Variants in RBFOX1 observed in about 807,000 individuals in gnomAD.
RBFOX1 encodes the protein RNA binding protein fox-1 homolog 1.
Under a neutral mutation model 57.7 loss-of-function variants are expected in RBFOX1, and 8 were observed. The observed-to-expected ratio is 0.14, with a 90% CI of 0.08 to 0.25. RBFOX1 has a LOEUF of 0.25. Ranked by LOEUF, RBFOX1 falls within the 10% of genes least tolerant of loss-of-function variation. RBFOX1 has a pLI of 1.00. For missense variants in RBFOX1, 611 were observed against 548.5 expected (o/e 1.11, Z -1.14); for synonymous variants, 326 against 222.4 (o/e 1.47, Z -4.15).
In RBFOX1 at chr16:6,824,983, G is replaced by GTTTTTTTTTTTTT. The variant is rs151177772; in HGVS notation, c.-16+170352_-16+170364dup. Among the ~76,000 whole-genome samples the GTTTTTTTTTTTTT allele has an allele frequency of 6.4e-3, 238 of 36,908 alleles. 59 individuals are homozygous for GTTTTTTTTTTTTT. The highest frequency in any genetic ancestry group is 0.011 in the Non-Finnish European group (180 of 16,932). 24.2% of individuals were successfully genotyped at this position (36,908 alleles called of 152,430 possible). The stretch of plus-strand genomic sequence containing the variant: ...GGATTTCTTTTTTCTTTCTTTCTTG[G>GTTTTTTTTTTTTT]TTTTTTTTTTTTTTTTTTTTTTTTT... On this transcript the variant is annotated intron_variant, in intron 3 of 15. Coordinates refer to ENST00000550418, the MANE Select transcript of RBFOX1 (RefSeq NM_018723.4).
At chr16:6,850,287 C>T (rs1402550442) in intron 3 of RBFOX1, among the ~76,000 whole-genome samples, 1 of 152,136 alleles carries the variant, frequency 6.6e-6, no homozygotes, top group Non-Finnish European at 1.5e-5. Context: ...TAATTGCATA[C>T]TTACAAATAT....
intron 1 of RBFOX1, among the ~76,000 whole-genome samples, chr16:6,100,039 ATAT>A (rs1033407582): frequency 6.6e-6 from 1 of 152,212 alleles, no homozygotes; most frequent in African/African-American, 2.4e-5. Context: ...TGTTGAGCAC[ATAT>A]TATTCTTTTT....
intron 3 of RBFOX1, among the ~76,000 whole-genome samples, chr16:6,751,820 A>T (rs2074978931): frequency 6.6e-6 from 1 of 152,184 alleles, no homozygotes; most frequent in African/African-American, 2.4e-5. Flanking sequence ...TATTTTCATA[A>T]CAAAGCTGTC....
chr16:6,906,435 T>C (rs963822871), intron 3 of RBFOX1, among the ~76,000 whole-genome samples: 1 of 152,258 alleles, frequency 6.6e-6, no homozygotes, highest in East Asian at 1.9e-4. Context: ...AAATAGCCTC[T>C]GGCCTGTGGA....
At chr16:5,293,561 A>G (rs1277417106) in intron 1 of RBFOX1, among the ~76,000 whole-genome samples, 3 of 152,200 alleles carry the variant, frequency 2.0e-5, no homozygotes, top group African/African-American at 4.8e-5. Flanking sequence ...ATCCACATGT[A>G]GTAGGCACCA....
At chr16:6,147,353 C>G (rs149493999) in intron 1 of RBFOX1, among the ~76,000 whole-genome samples, 2 of 152,266 alleles carry the variant, frequency 1.3e-5, no homozygotes, top group East Asian at 3.9e-4. Flanking sequence ...AAGCTATGAC[C>G]TAACACAACC....
intron 3 of RBFOX1, among the ~76,000 whole-genome samples, chr16:6,846,962 TG>T (rs575406574): frequency 1.9e-4 from 29 of 152,176 alleles, no homozygotes; most frequent in Admixed American, 1.4e-3. Context: ...ACCATGTCTT[TG>T]GGGGCAAAGT....
chr16:6,124,681 G>T (rs2096576112), intron 1 of RBFOX1, among the ~76,000 whole-genome samples: 1 of 151,752 alleles, frequency 6.6e-6, no homozygotes, highest in Non-Finnish European at 1.5e-5. Flanking sequence ...TGTTGTTGTT[G>T]TTTTTTGTTT....
chr16:6,588,352 G>A (rs1183284277), intron 2 of RBFOX1, among the ~76,000 whole-genome samples: 1 of 150,758 alleles, frequency 6.6e-6, no homozygotes, highest in East Asian at 2.0e-4. Flanking sequence ...CACAGCTTTT[G>A]ATCTAGAAGA....
At chr16:7,612,758 C>T (rs2057758090) in intron 10 of RBFOX1, among the ~76,000 whole-genome samples, 1 of 152,108 alleles carries the variant, frequency 6.6e-6, no homozygotes, top group Non-Finnish European at 1.5e-5. Flanking sequence ...ACAAAGTTGT[C>T]AGCACGGGGC....
intron 11 of RBFOX1, 138 bp from the exon 12 acceptor site, chr16:7,653,677 C>G: frequency 3.1e-6 from 4 of 1,276,362 alleles, no homozygotes; most frequent in Non-Finnish European, 4.3e-6. Context: ...TGCTTTTTAA[C>G]CTCTTGATTC....
intron 3 of RBFOX1, among the ~76,000 whole-genome samples, chr16:6,913,285 T>G (rs570216418): frequency 1.3e-5 from 2 of 152,318 alleles, no homozygotes; most frequent in South Asian, 4.1e-4. Context: ...ATTTCCATAA[T>G]TACAGCCTGT....
In RBFOX1 at chr16:6,566,428, A is replaced by AT. The variant is rs200042936; in HGVS notation, c.-63-88165dup. Among the ~76,000 whole-genome samples, 706 of 149,926 alleles carry AT rather than the reference A, an allele frequency of 4.7e-3. 8 individuals are homozygous for AT. The highest frequency in any genetic ancestry group is 0.016 in the African/African-American group (662 of 40,846). On this transcript the variant is annotated intron_variant, in intron 2 of 15. Transcript: ENST00000550418. The stretch of plus-strand genomic sequence containing the variant: ...GGCTAGACGTAGGGACCTCCATTTG[A>AT]TTTTTTTTTTCTTCTCTTCTTAGTG...
intron 2 of RBFOX1, among the ~76,000 whole-genome samples, chr16:5,468,756 A>G (rs1395508986): frequency 1.3e-5 from 2 of 152,250 alleles, no homozygotes; most frequent in South Asian, 2.1e-4. Context: ...TCTTGAACAC[A>G]TTATGCTGTG....
intron 3 of RBFOX1, among the ~76,000 whole-genome samples, chr16:6,712,007 C>T (rs776102688): frequency 4.6e-5 from 7 of 152,128 alleles, no homozygotes; most frequent in South Asian, 4.1e-4. Flanking sequence ...TTTGTTATCT[C>T]GCTCTCTTTC....
At chr16:6,807,617 A>G (rs903460766) in intron 3 of RBFOX1, among the ~76,000 whole-genome samples, 1 of 152,062 alleles carries the variant, frequency 6.6e-6, no homozygotes, top group African/African-American at 2.4e-5. Context: ...CGAGATTGAG[A>G]CCAGCCTGGC....
chr16:7,073,907 TTGAC>T (rs79691931), intron 4 of RBFOX1, among the ~76,000 whole-genome samples: 23,084 of 151,744 alleles, frequency 0.15, 2,028 homozygotes, highest in East Asian at 0.39. Flanking sequence ...GAAAAAAAAA[TTGAC>T]TGACAATCCA....
chr16:6,017,763 G>C (rs1354814673), upstream of RBFOX1, among the ~76,000 whole-genome samples: 1 of 152,192 alleles, frequency 6.6e-6, no homozygotes, highest in African/African-American at 2.4e-5. Flanking sequence ...CGATAGGATT[G>C]CAAGAGGAAC....
intron 4 of RBFOX1, among the ~76,000 whole-genome samples, chr16:5,884,236 T>C (rs2057838950): frequency 6.6e-6 from 1 of 152,172 alleles, no homozygotes; most frequent in South Asian, 2.1e-4. Context: ...ATAGAGAACC[T>C]TCCCTTCATG....
Sources: gnomAD v4.1 joint callset for allele counts (sites outside exome capture counted in the v4.1 genomes callset) on GRCh38, gnomAD v4.1.1 for gene constraint, MANE v1.5 for transcripts, NCBI Gene and HGNC (gene_info 2026-07-23, HGNC 2026-07-21) for gene names.